Variants in ALG14 observed in about 807,000 individuals in gnomAD.
The protein encoded by ALG14 is ALG14 UDP-N-acetylglucosaminyltransferase subunit, also known as UDP-N-acetylglucosamine transferase subunit ALG14.
Under a neutral mutation model 22.8 loss-of-function variants are expected in ALG14, and 17 were observed. The ratio of observed to expected loss-of-function variants is 0.75; its 90% CI spans 0.51 to 1.12. The LOEUF (loss-of-function observed/expected upper bound fraction) is 1.12, where lower values mean the gene tolerates loss of function less well. Ranked by LOEUF, ALG14 falls within the 50% of genes most tolerant of loss-of-function variation. The pLI is 0.00. For synonymous variants in ALG14, 89 were observed against 103.7 expected (o/e 0.86, Z 0.86); for missense variants, 288 against 271.8 (o/e 1.06, Z -0.42).
chr1:95,046,023 A>G (rs1360351104), intron 2 of ALG14, among the ~76,000 whole-genome samples: 1 of 150,092 alleles, frequency 6.7e-6, no homozygotes, highest in Non-Finnish European at 1.5e-5. Context: ...TTATATTATT[A>G]TACTAATTCT....
At chr1:95,067,016 C>CTTTTTA (rs570722826) in intron 1 of ALG14, 3 of 152,104 alleles carry the variant, frequency 2.0e-5, no homozygotes, top group Admixed American at 2.0e-4. Flanking sequence ...CTTTTTTAAA[C>CTTTTTA]TTTTTATTTT....
chr1:95,070,761 G>C (rs1188242370), intron 1 of ALG14, among the ~76,000 whole-genome samples: 1 of 151,638 alleles, frequency 6.6e-6, no homozygotes, highest in African/African-American at 2.4e-5. Flanking sequence ...TTTGAGACAG[G>C]GTCTCACTCT....
intron 3 of ALG14, among the ~76,000 whole-genome samples, chr1:95,008,931 T>C (rs1256181377): frequency 6.6e-6 from 1 of 152,144 alleles, no homozygotes; most frequent in Non-Finnish European, 1.5e-5. Flanking sequence ...ATTAGTCCTT[T>C]TGTGCTGGCT....
chr1:95,004,215 C>CTTTTT (rs869303546), intron 3 of ALG14, among the ~76,000 whole-genome samples: 8 of 117,082 alleles, frequency 6.8e-5, no homozygotes, highest in African/African-American at 1.7e-4. Flanking sequence ...GGGTAATTAA[C>CTTTTT]TTTTTTTTTT....
At chr1:95,015,020 T>C (rs6687450) in intron 3 of ALG14, among the ~76,000 whole-genome samples, 98,369 of 152,010 alleles carry the variant, frequency 0.65, 33,122 homozygotes, top group East Asian at 0.82. Flanking sequence ...GCACTCAGAA[T>C]AGGGGAGGCC....
chr1:95,021,686 C>T (rs1191175146), intron 3 of ALG14, among the ~76,000 whole-genome samples: 3 of 152,140 alleles, frequency 2.0e-5, no homozygotes, highest in Admixed American at 6.5e-5. Flanking sequence ...AAGGTCATTT[C>T]AAAGGCTTCC....
intron 3 of ALG14, among the ~76,000 whole-genome samples, chr1:95,013,929 TA>T (rs66637982): frequency 0.47 from 67,983 of 144,910 alleles, 17,162 homozygotes; most frequent in East Asian, 0.7. Flanking sequence ...ACTTTTTTCT[TA>T]AAAAAAAAAA....
intron 2 of ALG14, among the ~76,000 whole-genome samples, chr1:95,038,716 G>GT (rs71097229): frequency 0.022 from 2,719 of 121,474 alleles, 100 homozygotes; most frequent in African/African-American, 0.053. Flanking sequence ...AAACTATAAG[G>GT]TTTTTTTTTT....
intron 3 of ALG14, among the ~76,000 whole-genome samples, chr1:94,989,066 A>G (rs1672710217): frequency 6.6e-6 from 1 of 152,186 alleles, no homozygotes; most frequent in Non-Finnish European, 1.5e-5. Context: ...GACTGCATAT[A>G]TTTAATCCTA....
rs768779041 is a variant in ALG14, at chr1:94,979,789, G to A, written c.*3287C>T. ...TATGTCAAATTCATGTTTAAAATGAGTGGGCAGCAGGAACACAGTTGTAGA... is the reference window on the plus strand; with the variant it reads ...TATGTCAAATTCATGTTTAAAATGAATGGGCAGCAGGAACACAGTTGTAGA... On this transcript the variant is annotated 3_prime_UTR_variant, in exon 4 of 4. Transcript: ENST00000370205. 5.3e-5 allele frequency: 8 copies of A among 152,218 alleles called. 1 individual carries two copies. Among genetic ancestry groups the A allele is most frequent in the Non-Finnish European group, 8.8e-5 (6 of 68,054 alleles). 9.4% of individuals were successfully genotyped at this position (152,218 alleles called of 1,614,324 possible).
chr1:95,070,248 C>G (rs1675516884), intron 1 of ALG14, among the ~76,000 whole-genome samples: 1 of 152,188 alleles, frequency 6.6e-6, no homozygotes, highest in African/African-American at 2.4e-5. Context: ...AGTCATAATT[C>G]TACATGGCTG....
intron 3 of ALG14, among the ~76,000 whole-genome samples, chr1:95,013,010 C>A (rs1055509253): frequency 2.6e-5 from 4 of 151,626 alleles, no homozygotes; most frequent in Non-Finnish European, 4.4e-5. Context: ...GTGGCAGGCA[C>A]CTATAATCCC....
rs541978423 is a variant in ALG14 at position 95,037,548 on chromosome 1, A to C, written c.289-10288T>G. On this transcript the variant is annotated intron_variant, in intron 2 of 3. Transcript: ENST00000370205. ...GGAAGCCCGGTGGAGCTGCCACTGC[A>C]GAAGACAGAGCAGAGAGACAACTCT... Among the ~76,000 whole-genome samples the C allele has an allele frequency of 9.1e-4, 138 of 152,328 alleles. 1 individual carries two copies. Among genetic ancestry groups the C allele is most frequent in the Admixed American group, 7.5e-3 (115 of 15,310 alleles).
intron 3 of ALG14, among the ~76,000 whole-genome samples, chr1:95,016,691 T>C (rs1419403271): frequency 6.6e-6 from 1 of 152,190 alleles, no homozygotes; most frequent in Non-Finnish European, 1.5e-5. Context: ...CCTTCATTTA[T>C]ATGGCATGCA....
At chr1:95,032,608 A>C (rs1674046088) in intron 2 of ALG14, among the ~76,000 whole-genome samples, 1 of 152,204 alleles carries the variant, frequency 6.6e-6, no homozygotes, top group Non-Finnish European at 1.5e-5. Context: ...TATGCACACA[A>C]AGGGGAAAGG....
At chr1:95,003,789 A>T (rs986959561) in intron 3 of ALG14, among the ~76,000 whole-genome samples, 1 of 152,122 alleles carries the variant, frequency 6.6e-6, no homozygotes, top group Non-Finnish European at 1.5e-5. Flanking sequence ...CAAAAAAGTT[A>T]GAGAGGAAAA....
chr1:94,976,860 T>C lies in ALG14; in HGVS notation c.*6216A>G, dbSNP rs1445263002. On this transcript the variant is annotated 3_prime_UTR_variant, in exon 4 of 4. Coordinates refer to ENST00000370205, the MANE Select transcript of ALG14 (RefSeq NM_144988.4). Reference sequence around the variant, plus strand: ...GGGACGTAATTATGATCCTAATCAGTTGACCTTGAATTAATCAAAAGGGAG... The same window carrying C: ...GGGACGTAATTATGATCCTAATCAGCTGACCTTGAATTAATCAAAAGGGAG... 1 of 152,210 alleles carries C rather than the reference T, an allele frequency of 6.6e-6. No individual in the cohort carries two copies. Among genetic ancestry groups the C allele is most frequent in the African/African-American group, 2.4e-5 (1 of 41,444 alleles). The allele number at this position is 152,210 out of a possible 1,614,324, so 9.4% of individuals were successfully genotyped here. A position where few individuals can be genotyped will look rare whatever the true frequency, so the allele number is the denominator to read the frequency against.
intron 2 of ALG14, among the ~76,000 whole-genome samples, chr1:95,048,989 C>A (rs1674658053): frequency 2.6e-5 from 4 of 151,798 alleles, no homozygotes. Flanking sequence ...AATTAGGCAC[C>A]TAAAATATTA....
intron 3 of ALG14, among the ~76,000 whole-genome samples, chr1:95,007,116 C>A (rs754611760): frequency 9.2e-5 from 14 of 152,212 alleles, no homozygotes; most frequent in Non-Finnish European, 1.8e-4. Context: ...AATCACCGTA[C>A]TGCCAGTATT....
Sources: allele counts gnomAD v4.1 joint callset (sites outside exome capture counted in the v4.1 genomes callset), GRCh38; gene constraint gnomAD v4.1.1; transcripts MANE v1.5; gene names NCBI Gene and HGNC (gene_info 2026-07-23, HGNC 2026-07-21).